MLLT1: variants seen among roughly 807,000 people sequenced by gnomAD.
The protein encoded by MLLT1 is MLLT1 super elongation complex subunit.
Under a neutral mutation model 55.1 loss-of-function variants are expected in MLLT1, and 11 were observed. The ratio of observed to expected loss-of-function variants is 0.20; its 90% CI spans 0.13 to 0.33. The LOEUF is 0.33. Among genes scored for constraint, MLLT1 ranks in the 10% least tolerant of loss-of-function variants. MLLT1 has a pLI of 1.00. For synonymous variants in MLLT1, 323 were observed against 320.1 expected (o/e 1.01, Z -0.10); for missense variants, 536 against 760.6 (o/e 0.70, Z 3.47).
intron 3 of MLLT1, among the ~76,000 whole-genome samples, chr19:6,254,981 G>GA (rs5826924): frequency 0.037 from 5,063 of 135,786 alleles, 99 homozygotes; most frequent in Middle Eastern, 0.082. Context: ...ATCAACAAAA[G>GA]AAAAAAAAAA....
intron 1 of MLLT1, among the ~76,000 whole-genome samples, chr19:6,277,844 A>G (rs2091435211): frequency 6.6e-6 from 1 of 152,190 alleles, no homozygotes; most frequent in Non-Finnish European, 1.5e-5. Context: ...TTGGGTTTTT[A>G]ACTCAATACA....
At chr19:6,247,522 T>C (rs1568288572) in intron 3 of MLLT1, among the ~76,000 whole-genome samples, 1 of 152,176 alleles carries the variant, frequency 6.6e-6, no homozygotes, top group East Asian at 1.9e-4. Context: ...TCCATCCGTG[T>C]TGATACAAAT....
Position 6,217,517 on chromosome 19 carries a change from G to C in MLLT1, c.1198+437C>G, listed in dbSNP as rs979552669. On this transcript the variant is annotated intron_variant, in intron 7 of 11. Coordinates refer to ENST00000252674, the MANE Select transcript of MLLT1 (RefSeq NM_005934.4). ...CTACTCAGGGTGGCCTGCCTGGAGA[G>C]GGAGAGGGCACTCCAAACACTCCGG... Among the ~76,000 whole-genome samples the C allele has an allele frequency of 5.9e-5, 9 of 152,224 alleles. No homozygotes were observed. In the South Asian group the frequency reaches 1.9e-3, roughly 31 times the overall value.
Position 6,216,467 on chromosome 19 carries a change from GTCGGACTCC to G in MLLT1, c.1236_1244del (p.Glu412_Ser414del). 1 of 1,608,540 alleles carries G rather than the reference GTCGGACTCC, an allele frequency of 6.2e-7. No individual in the cohort carries two copies. Among genetic ancestry groups the G allele is most frequent in the Non-Finnish European group, 8.5e-7 (1 of 1,178,300 alleles). On this transcript the variant is annotated inframe_deletion, in exon 8 of 12. Coordinates refer to ENST00000252674, the MANE Select transcript of MLLT1 (RefSeq NM_005934.4). ...CCTCGCCTGACGAAGAGTCGTCCTC[GTCGGACTCC>G]TCGGACTGCAGGTCCTCCACCATGG... is the stretch of plus-strand genomic sequence containing the variant.
chr19:6,261,738 G>A (rs896632709), intron 3 of MLLT1, among the ~76,000 whole-genome samples: 7 of 152,008 alleles, frequency 4.6e-5, no homozygotes, highest in African/African-American at 1.5e-4. Context: ...CAACATTCTG[G>A]ATAGAGATAA....
Position 6,213,016 on chromosome 19 carries a change from G to A in MLLT1, c.*26C>T, listed in dbSNP as rs767336132. On this transcript the variant is annotated 3_prime_UTR_variant, in exon 12 of 12. Transcript: ENST00000252674. Reference sequence around the variant, plus strand: ...GCTGCAGCCTCCCAGGACCCCGGCGGTGGGGGCCCGGCACGCGGCCCAGGG... The same window carrying A: ...GCTGCAGCCTCCCAGGACCCCGGCGATGGGGGCCCGGCACGCGGCCCAGGG... The A allele has an allele frequency of 3.1e-6, 5 of 1,610,716 alleles. No individual in the cohort carries two copies. The South Asian group carries it at 4.4e-5, about 14-fold the overall frequency.
chr19:6,220,068 A>G (rs2090881656), intron 6 of MLLT1, among the ~76,000 whole-genome samples: 1 of 152,252 alleles, frequency 6.6e-6, no homozygotes, highest in South Asian at 2.1e-4. Flanking sequence ...CCAAGGCAGC[A>G]GCTGGAGGAC....
At chr19:6,246,839 A>C (rs1020901994) in intron 3 of MLLT1, among the ~76,000 whole-genome samples, 1 of 152,208 alleles carries the variant, frequency 6.6e-6, no homozygotes, top group African/African-American at 2.4e-5. Context: ...TGTATTACAA[A>C]TGCATGACAT....
intron 11 of MLLT1, 79 bp downstream of exon 11, chr19:6,213,258 A>T (rs1367059191): frequency 1.6e-5 from 26 of 1,603,868 alleles, no homozygotes; most frequent in Middle Eastern, 1.7e-4. Flanking sequence ...CTCCTGGGGC[A>T]GCACCAGGGG....
At chr19:6,244,333 G>A (rs2091146311) in intron 3 of MLLT1, among the ~76,000 whole-genome samples, 1 of 150,860 alleles carries the variant, frequency 6.6e-6, no homozygotes, top group Non-Finnish European at 1.5e-5. Flanking sequence ...TGGAAGAAAA[G>A]CAATTCCTCC....
Position 6,226,080 on chromosome 19 carries a change from G to A in MLLT1, c.546+897C>T, listed in dbSNP as rs1025733382. On this transcript the variant is annotated intron_variant, in intron 5 of 11. Transcript: ENST00000252674. The surrounding 1 kb of genome is among the most constrained non-coding windows in gnomAD (Gnocchi z 6.3). Reference sequence around the variant, plus strand: ...GCCTGGGTGCTGCGGTTCTTCTCCCGCATGGCTGACGGTGAGTCTGTGAGG... The same window carrying A: ...GCCTGGGTGCTGCGGTTCTTCTCCCACATGGCTGACGGTGAGTCTGTGAGG... Among the ~76,000 whole-genome samples the A allele has an allele frequency of 2.0e-5, 3 of 152,196 alleles. No homozygotes were observed. The highest frequency in any genetic ancestry group is 2.4e-5 in the African/African-American group (1 of 41,454).
chr19:6,265,897 T>C (rs1310284478), intron 2 of MLLT1, among the ~76,000 whole-genome samples: 1 of 151,670 alleles, frequency 6.6e-6, no homozygotes, highest in East Asian at 1.9e-4. Context: ...GAGAATCGCT[T>C]GAACCCGGGA....
In MLLT1 at chr19:6,214,836, C is replaced by T. The variant is rs190435001; in HGVS notation, c.1308-798G>A. ...GAACAAGGAGGTGCCAGAAGCGGCT[C>T]GAGCACACCGGACTTCCCGGTGGGC... On this transcript the variant is annotated intron_variant, in intron 8 of 11. Transcript: ENST00000252674. 3.9e-5 allele frequency among the ~76,000 whole-genome samples: 6 copies of T among 152,200 alleles called. No individual in the cohort carries two copies. The East Asian group carries it at 5.8e-4, about 15-fold the overall frequency.
At chr19:6,258,043 A>G (rs931102679) in intron 3 of MLLT1, among the ~76,000 whole-genome samples, 2 of 152,210 alleles carry the variant, frequency 1.3e-5, no homozygotes, top group African/African-American at 2.4e-5. Flanking sequence ...TGGTGGACCT[A>G]TGACAGGATA....
chr19:6,215,659 G>A (rs1426204861), intron 8 of MLLT1, among the ~76,000 whole-genome samples: 1 of 152,204 alleles, frequency 6.6e-6, no homozygotes, highest in East Asian at 1.9e-4. Flanking sequence ...CTGGGTGCAG[G>A]GTGATAACCA....
At chr19:6,237,647 T>C (rs1007327434) in intron 3 of MLLT1, among the ~76,000 whole-genome samples, 9 of 150,216 alleles carry the variant, frequency 6.0e-5, no homozygotes, top group African/African-American at 2.0e-4. Context: ...CGGACGCCTG[T>C]AGTCCCAGCT....
chr19:6,216,670 A>C (rs2090847546), intron 7 of MLLT1, 157 bp from the exon 8 acceptor site: 3 of 584,776 alleles, frequency 5.1e-6, no homozygotes, highest in Non-Finnish European at 9.0e-6. Context: ...CATCTCTAAG[A>C]ACTGCCCCCA....
At position 6,262,866 on chromosome 19, in the gene MLLT1, C is replaced by T. The variant is rs952768310; in HGVS notation, c.194-556G>A. On this transcript the variant is annotated intron_variant, in intron 2 of 11. Transcript: ENST00000252674. This position sits in a 1 kb window ranked among gnomAD's most constrained non-coding sequence, Gnocchi z 4.4. ...CATTCCCAAGTGACGCAAACAAAACCCCATTGACCCCAGAGATTAAAAAAG... is the reference window on the plus strand; with the variant it reads ...CATTCCCAAGTGACGCAAACAAAACTCCATTGACCCCAGAGATTAAAAAAG... 1.3e-5 allele frequency among the ~76,000 whole-genome samples: 2 copies of T among 151,932 alleles called. No homozygotes were observed. Among genetic ancestry groups the T allele is most frequent in the Non-Finnish European group, 2.9e-5 (2 of 67,974 alleles).
chr19:6,277,948 C>G (rs1278965068), intron 1 of MLLT1, among the ~76,000 whole-genome samples: 3 of 152,262 alleles, frequency 2.0e-5, no homozygotes, highest in African/African-American at 7.2e-5. Context: ...TCTTCCTTAC[C>G]TCTTAAGAAG....
Sources: allele counts gnomAD v4.1 joint callset (sites outside exome capture counted in the v4.1 genomes callset), GRCh38; gene constraint gnomAD v4.1.1; non-coding constraint Gnocchi (gnomAD v3.1); transcripts MANE v1.5; gene names NCBI Gene and HGNC (gene_info 2026-07-23, HGNC 2026-07-21).